The following PLPP1 variants were observed in gnomAD, a reference collection of about 807,000 sequenced individuals.
PLPP1 encodes the protein phospholipid phosphatase 1.
In PLPP1, 24 loss-of-function variants were observed where a neutral mutation model predicts 31.2. The ratio of observed to expected loss-of-function variants is 0.77; its 90% CI spans 0.56 to 1.08. The LOEUF is 1.08. Ranked by LOEUF, PLPP1 falls within the 50% of genes least tolerant of loss-of-function variation. The pLI, the probability that PLPP1 is intolerant of heterozygous loss-of-function variation, is 0.00. For synonymous variants in PLPP1, 146 were observed against 126.3 expected (o/e 1.16, Z -1.05); for missense variants, 319 against 342.7 (o/e 0.93, Z 0.55).
chr5:55,515,133 A>G (rs573764881), intron 1 of PLPP1, among the ~76,000 whole-genome samples: 1 of 152,354 alleles, frequency 6.6e-6, no homozygotes, highest in Admixed American at 6.5e-5. Context: ...CCAGGCTCCA[A>G]TCCCAGACTC....
intron 2 of PLPP1, among the ~76,000 whole-genome samples, chr5:55,473,423 T>C (rs552970596): frequency 7.9e-5 from 12 of 152,300 alleles, no homozygotes; most frequent in Non-Finnish European, 1.5e-4. Flanking sequence ...CACAGTCTTA[T>C]AAAACAAATA....
chr5:55,464,797 G>T (rs1752250948), intron 3 of PLPP1, among the ~76,000 whole-genome samples: 1 of 152,092 alleles, frequency 6.6e-6, no homozygotes, highest in South Asian at 2.1e-4. Context: ...TGACCCTCCG[G>T]TTGCAGATGG....
intron 1 of PLPP1, 111 bp downstream of exon 1, chr5:55,534,461 C>G: frequency 8.6e-7 from 1 of 1,161,160 alleles, no homozygotes; most frequent in Non-Finnish European, 1.2e-6. Flanking sequence ...TGTGTCGCCC[C>G]ACAGCTGCGC....
At chr5:55,467,136 A>C (rs1752318738) in intron 3 of PLPP1, among the ~76,000 whole-genome samples, 1 of 152,174 alleles carries the variant, frequency 6.6e-6, no homozygotes, top group African/African-American at 2.4e-5. Flanking sequence ...CACAACCTGA[A>C]CCAAGTTACC....
chr5:55,494,485 C>G (rs758999467), intron 1 of PLPP1, among the ~76,000 whole-genome samples: 1 of 152,142 alleles, frequency 6.6e-6, no homozygotes, highest in Non-Finnish European at 1.5e-5. Flanking sequence ...GAGAACACTG[C>G]CTTTGGGGCA....
chr5:55,474,002 T>TG (rs1456463091), intron 2 of PLPP1, among the ~76,000 whole-genome samples: 99 of 137,796 alleles, frequency 7.2e-4, no homozygotes, highest in Middle Eastern at 3.9e-3. Context: ...TTGTTGTTTT[T>TG]TTTTTTTTTT....
chr5:55,498,999 G>A (rs1345168811), intron 1 of PLPP1, among the ~76,000 whole-genome samples: 3 of 152,162 alleles, frequency 2.0e-5, no homozygotes, highest in African/African-American at 7.2e-5. Flanking sequence ...TTTCCTCAAT[G>A]AGAAAAGAAG....
In PLPP1 at chr5:55,468,092, T is replaced by C; in HGVS notation, c.268A>G (p.Ile90Val). 1.9e-6 allele frequency: 3 copies of C among 1,612,700 alleles called. No individual in the cohort carries two copies. The highest frequency in any genetic ancestry group is 1.1e-5 in the South Asian group (1 of 90,910). The change falls in exon 3 of 6, where the codon ATC becomes GTC. Residue 90 changes from isoleucine to valine, a missense_variant. Ile to Val is a conservative substitution (Grantham distance 29). Transcript: ENST00000307259. ...YCNLLHSNSF[I>V]RNNYIATIYK... ...ATAGTGGCTATGTAGTTATTCCTGA[T>C]AAAGGAATTTGAGTGCAAAAGGTTA...
chr5:55,472,674 A>C (rs1352518004), intron 2 of PLPP1, among the ~76,000 whole-genome samples: 5 of 150,382 alleles, frequency 3.3e-5, no homozygotes, highest in African/African-American at 7.3e-5. Flanking sequence ...GAGAGACAGA[A>C]AGAGAGAGAT....
At chr5:55,442,314 T>G (rs562030315) in intron 3 of PLPP1, among the ~76,000 whole-genome samples, 1 of 152,330 alleles carries the variant, frequency 6.6e-6, no homozygotes, top group African/African-American at 2.4e-5. Context: ...TCATACCTCC[T>G]TGGGAACACT....
At chr5:55,443,192 AATAT>A (rs1159178740) in intron 3 of PLPP1, among the ~76,000 whole-genome samples, 3 of 25,418 alleles carry the variant, frequency 1.2e-4, no homozygotes, top group South Asian at 2.4e-3. Context: ...AAAAAAAAAA[AATAT>A]ATATATATAT....
chr5:55,435,311 C>T (rs1417328032), intron 4 of PLPP1, among the ~76,000 whole-genome samples: 1 of 152,068 alleles, frequency 6.6e-6, no homozygotes, highest in East Asian at 1.9e-4. Context: ...GTCCAGCCAC[C>T]AGAGAAATGC....
intron 1 of PLPP1, chr5:55,530,719 C>G (rs752647011): frequency 1.3e-6 from 2 of 1,573,036 alleles, no homozygotes; most frequent in Non-Finnish European, 1.7e-6. Flanking sequence ...CACATTTCCA[C>G]GACACAGGGG....
intron 3 of PLPP1, among the ~76,000 whole-genome samples, chr5:55,455,112 C>T (rs1751975990): frequency 6.6e-6 from 1 of 152,118 alleles, no homozygotes; most frequent in African/African-American, 2.4e-5. Flanking sequence ...CTTCCATAAT[C>T]CAAACAAAAA....
At chr5:55,436,725 A>AT (rs1374390050) in intron 4 of PLPP1, among the ~76,000 whole-genome samples, 1 of 152,162 alleles carries the variant, frequency 6.6e-6, no homozygotes, top group Non-Finnish European at 1.5e-5. Context: ...AGGTATGCCC[A>AT]TTTTTTCTTT....
chr5:55,468,193 G>C (rs767681280), intron 2 of PLPP1, 44 bp from the exon 3 acceptor site: 2 of 1,479,622 alleles, frequency 1.4e-6, no homozygotes, highest in South Asian at 1.3e-5. Flanking sequence ...TAGCAAGCAG[G>C]CACTTTAAAC....
Position 55,534,684 on chromosome 5 carries a change from C to T in PLPP1, c.-55G>A. On this transcript the variant is annotated 5_prime_UTR_variant, in exon 1 of 6. Transcript: ENST00000307259. ...GATGGACTGAGCTGCGGGACGGCGG[C>T]CGAGGCCCTTGATTCTCGAGCCCGG... 1.3e-6 allele frequency: 2 copies of T among 1,497,716 alleles called. No homozygotes were observed. The highest frequency in any genetic ancestry group is 1.8e-6 in the Non-Finnish European group (2 of 1,119,754). 92.8% of individuals were successfully genotyped at this position (1,497,716 alleles called of 1,614,324 possible).
intron 4 of PLPP1, among the ~76,000 whole-genome samples, chr5:55,440,133 G>A (rs1751589444): frequency 6.6e-6 from 1 of 152,150 alleles, no homozygotes; most frequent in Non-Finnish European, 1.5e-5. Flanking sequence ...TCATCATCAA[G>A]ATCAATCAAA....
chr5:55,478,890 T>G (rs1413478459), intron 1 of PLPP1, among the ~76,000 whole-genome samples: 2 of 152,078 alleles, frequency 1.3e-5, no homozygotes, highest in Non-Finnish European at 2.9e-5. Context: ...TAAGCATGAA[T>G]CTACCACAAA....
Sources: gnomAD v4.1 joint callset for allele counts (sites outside exome capture counted in the v4.1 genomes callset) on GRCh38, gnomAD v4.1.1 for gene constraint, MANE v1.5 for transcripts, NCBI Gene and HGNC (gene_info 2026-07-23, HGNC 2026-07-21) for gene names.